Variants in SAP130 observed in about 807,000 individuals in gnomAD.
The protein encoded by SAP130 is histone deacetylase complex subunit SAP130.
SAP130 carries 16 observed loss-of-function variants against 103.2 expected under a neutral mutation model. The ratio of observed to expected loss-of-function variants is 0.16; its 90% CI spans 0.10 to 0.24. SAP130 has a LOEUF of 0.24. SAP130 is among the 10% of genes least tolerant of loss of function. The pLI is 1.00. For missense variants in SAP130, 990 were observed against 1,359.7 expected, an observed-to-expected ratio of 0.73 and a Z score of 4.28; for synonymous variants, 477 against 497.0, an observed-to-expected ratio of 0.96 and a Z score of 0.53.
At chr2:128,014,229 TTTTTC>T (rs1003459606) in intron 5 of SAP130, among the ~76,000 whole-genome samples, 1 of 140,788 alleles carries the variant, frequency 7.1e-6, no homozygotes, top group Non-Finnish European at 1.6e-5. Context: ...CTTGCGATTT[TTTTTC>T]TTTTTCTTGA....
At chr2:128,013,926 T>C (rs1195452928) in intron 5 of SAP130, among the ~76,000 whole-genome samples, 6 of 152,192 alleles carry the variant, frequency 3.9e-5, no homozygotes, top group African/African-American at 1.4e-4. Flanking sequence ...CATCATTTTA[T>C]TGTTACATAA....
At chr2:127,958,635 TGAGAGAGAGAGAGAGAGAGA>T (rs372337440) in intron 15 of SAP130, among the ~76,000 whole-genome samples, 3,768 of 127,706 alleles carry the variant, frequency 0.03, 172 homozygotes, top group African/African-American at 0.11. Context: ...GTGAGACAGA[TGAGAGAGAGAGAGAGAGAGA>T]GAGAGAGAGA....
chr2:127,975,115 T>C lies in SAP130; in HGVS notation c.2063+2870A>G, dbSNP rs115182696. 4.5e-3 allele frequency among the ~76,000 whole-genome samples: 690 copies of C among 151,808 alleles called. 6 individuals are homozygous for C. Among genetic ancestry groups the C allele is most frequent in the African/African-American group, 0.016 (648 of 41,058 alleles). ...CCATGTAACTAACAGATGCCCATCA[T>C]GATCAGTAACCAGTCACATCACTTC... On this transcript the variant is annotated intron_variant, in intron 15 of 20. Transcript: ENST00000643581.
Position 127,945,537 on chromosome 2 carries a change from C to T in SAP130, c.2820G>A (p.Gln940=). 6.2e-7 allele frequency: 1 copy of T among 1,610,376 alleles called. No individual in the cohort carries two copies. Among genetic ancestry groups the T allele is most frequent in the Non-Finnish European group, 8.5e-7 (1 of 1,176,668 alleles). The change falls in exon 19 of 21, where the codon CAG becomes CAA. Residue 940 remains glutamine (Q), a synonymous_variant. Coordinates refer to ENST00000643581, the MANE Select transcript of SAP130 (RefSeq NM_001330301.2). The part of the protein sequence containing the change: ...RVKEEKKAML[Q]EIANQKGVSC... ...ATACTCCTTTCTGATTAGCTATTTC[C>T]TGCAGCATAGCTTTCTTCTCCTCTG...
At chr2:127,956,081 A>G (rs72969615) in intron 15 of SAP130, among the ~76,000 whole-genome samples, 3,965 of 151,390 alleles carry the variant, frequency 0.026, 123 homozygotes, top group East Asian at 0.14. Flanking sequence ...ATTGAGAGGG[A>G]CTGAGGTTGA....
At chr2:128,026,047 G>C (rs543103254) in intron 2 of SAP130, 134 bp downstream of exon 2, 1 of 659,692 alleles carries the variant, frequency 1.5e-6, no homozygotes, top group Non-Finnish European at 2.7e-6. Flanking sequence ...AATTAGAATA[G>C]TAATATACCC....
At chr2:127,959,039 G>A (rs1298196108) in intron 15 of SAP130, among the ~76,000 whole-genome samples, 1 of 152,148 alleles carries the variant, frequency 6.6e-6, no homozygotes, top group Non-Finnish European at 1.5e-5. Context: ...AGGCATGATG[G>A]AGTAGACATA....
chr2:127,980,224 T>C (rs911448444), intron 14 of SAP130, among the ~76,000 whole-genome samples: 7 of 151,854 alleles, frequency 4.6e-5, no homozygotes, highest in Non-Finnish European at 7.4e-5. Context: ...AAAATAAGGA[T>C]AAAAGTTAAA....
chr2:128,027,394 G>A (rs1041990868), intron 1 of SAP130: 1 of 1,138,050 alleles, frequency 8.8e-7, no homozygotes, highest in African/African-American at 1.6e-5. Flanking sequence ...TGCACGTTCA[G>A]AGCCCGCCCC....
chr2:127,967,561 G>A (rs1414742170), intron 15 of SAP130, among the ~76,000 whole-genome samples: 7 of 152,188 alleles, frequency 4.6e-5, no homozygotes, highest in Non-Finnish European at 1.5e-5. Context: ...ACCATGCGCA[G>A]CTAATTTTTG....
chr2:127,976,706 T>C (rs1219356411), intron 15 of SAP130, among the ~76,000 whole-genome samples: 1 of 152,214 alleles, frequency 6.6e-6, no homozygotes, highest in African/African-American at 2.4e-5. Context: ...GGTCAAGTGA[T>C]AGAGACCATC....
rs758860886 is a variant in SAP130, at chr2:127,955,193, C to A, written c.2215G>T (p.Ala739Ser). 4 of 1,613,962 alleles carry A rather than the reference C, an allele frequency of 2.5e-6. No homozygotes were observed. Among genetic ancestry groups the A allele is most frequent in the Middle Eastern group, 1.6e-4 (1 of 6,084 alleles). Residue 739 changes from alanine to serine, a missense_variant, in exon 16 of 21, where the codon GCA becomes TCA. Around this residue, in one of 6 missense-constraint regions of SAP130, gnomAD observed 349 missense variants for 384.1 expected, o/e 0.91. Transcript: ENST00000643581. This position sits in a 1 kb window ranked among gnomAD's most constrained non-coding sequence, Gnocchi z 4.9. Reference sequence around the variant, plus strand: ...GCTGGTTGTGACGGGGGACTGGCTGCTGCAATCATAGTTGGAATGGTCGGT... The same window carrying A: ...GCTGGTTGTGACGGGGGACTGGCTGATGCAATCATAGTTGGAATGGTCGGT... ...PPPTIPTMIA[A>S]ASPPSQPAVA...
intron 2 of SAP130, among the ~76,000 whole-genome samples, chr2:128,021,673 T>C (rs1685173332): frequency 6.6e-6 from 1 of 152,170 alleles, no homozygotes; most frequent in Non-Finnish European, 1.5e-5. Flanking sequence ...AGCAGAATGG[T>C]TGGGTCAAAT....
At chr2:128,019,899 G>GA (rs1299975856) in intron 2 of SAP130, among the ~76,000 whole-genome samples, 1 of 151,956 alleles carries the variant, frequency 6.6e-6, no homozygotes, top group Non-Finnish European at 1.5e-5. Context: ...AAATTAAGTG[G>GA]AAAAAAATCA....
rs915461094 is a variant in SAP130 at position 127,955,974 on chromosome 2, G to A, written c.2064-630C>T. On this transcript the variant is annotated intron_variant, in intron 15 of 20. Coordinates refer to ENST00000643581, the MANE Select transcript of SAP130 (RefSeq NM_001330301.2). This position sits in a 1 kb window ranked among gnomAD's most constrained non-coding sequence, Gnocchi z 4.9. ...CACAACCAATTTTCATAATATTAAT[G>A]TATCTTTTCTCCCAGAATTCCTTAA... is the stretch of plus-strand genomic sequence containing the variant. 1.3e-5 allele frequency among the ~76,000 whole-genome samples: 2 copies of A among 152,092 alleles called. No homozygotes were observed. The highest frequency in any genetic ancestry group is 2.9e-5 in the Non-Finnish European group (2 of 68,022).
At chr2:127,999,361 C>T (rs958449597) in intron 10 of SAP130, among the ~76,000 whole-genome samples, 1 of 152,092 alleles carries the variant, frequency 6.6e-6, no homozygotes. Context: ...CCTGTAATCC[C>T]AGCACTTTGG....
At chr2:127,975,549 T>C (rs987873095) in intron 15 of SAP130, among the ~76,000 whole-genome samples, 7 of 151,878 alleles carry the variant, frequency 4.6e-5, no homozygotes, top group Non-Finnish European at 1.0e-4. Context: ...CTATTTTGGA[T>C]TGACAATAGT....
intron 1 of SAP130, among the ~76,000 whole-genome samples, chr2:128,026,875 CCTT>C (rs1378028957): frequency 5.9e-5 from 9 of 152,242 alleles, no homozygotes; most frequent in Admixed American, 5.2e-4. Flanking sequence ...GGACCCTACA[CCTT>C]CTCCATCTTC....
intron 19 of SAP130, among the ~76,000 whole-genome samples, chr2:127,943,281 T>A (rs1678836333): frequency 1.3e-5 from 2 of 152,202 alleles, no homozygotes; most frequent in Non-Finnish European, 2.9e-5. Context: ...TGCCTCCTCT[T>A]CACCTGCTGG....
Sources: gnomAD v4.1 joint callset for allele counts (sites outside exome capture counted in the v4.1 genomes callset) on GRCh38, gnomAD v4.1.1 for gene constraint, gnomAD v4.1.1 regional missense constraint, Gnocchi (gnomAD v3.1) non-coding constraint, MANE v1.5 for transcripts, NCBI Gene and HGNC (gene_info 2026-07-23, HGNC 2026-07-21) for gene names.